The following FAM117A variants were observed in gnomAD, a reference collection of about 807,000 sequenced individuals.
The protein encoded by FAM117A is protein FAM117A.
A neutral mutation model predicts 44.1 loss-of-function variants in FAM117A; 21 were observed. The observed-to-expected ratio is 0.48, with a 90% CI of 0.34 to 0.69. FAM117A has a LOEUF of 0.69. FAM117A is among the 30% of genes least tolerant of loss of function. The pLI, the probability that FAM117A is intolerant of heterozygous loss-of-function variation, is 0.01. For synonymous variants in FAM117A, 220 were observed against 238.3 expected (o/e 0.92, Z 0.71); for missense variants, 498 against 589.9 (o/e 0.84, Z 1.61).
intron 1 of FAM117A, among the ~76,000 whole-genome samples, chr17:49,775,843 C>T (rs1346011729): frequency 6.6e-6 from 1 of 152,176 alleles, no homozygotes; most frequent in Non-Finnish European, 1.5e-5. Context: ...CACCCAAAAG[C>T]TCTGTCCAAC....
chr17:49,746,092 A>G (rs1341365731), intron 1 of FAM117A, among the ~76,000 whole-genome samples: 1 of 152,244 alleles, frequency 6.6e-6, no homozygotes, highest in African/African-American at 2.4e-5. Flanking sequence ...TTTGCAACTT[A>G]CTGTCAAATT....
chr17:49,756,939 G>C (rs1238236419), intron 1 of FAM117A, among the ~76,000 whole-genome samples: 2 of 150,364 alleles, frequency 1.3e-5, no homozygotes, highest in African/African-American at 2.4e-5. Flanking sequence ...AAAAAAGAGA[G>C]AGAGAAAGAG....
chr17:49,730,538 T>C (rs1567829064), intron 2 of FAM117A, among the ~76,000 whole-genome samples: 1 of 152,184 alleles, frequency 6.6e-6, no homozygotes, highest in East Asian at 1.9e-4. Context: ...ATAGGTGGGC[T>C]ACACAGAAGC....
intron 1 of FAM117A, among the ~76,000 whole-genome samples, chr17:49,743,966 T>C (rs1259615959): frequency 6.7e-6 from 1 of 150,276 alleles, no homozygotes; most frequent in Non-Finnish European, 1.5e-5. Context: ...CCTTTTCCAG[T>C]GAGGAAGGTA....
rs901782806 is a variant in FAM117A, at chr17:49,717,449, A to C, written c.910+64T>G. On this transcript the variant is annotated intron_variant, in intron 6 of 7. Transcript: ENST00000240364. ...TAGGCCTGAATTGACTAGAGGTGGAAAAGGGAGTGGAGCCACTCATGTGCC... is the reference window on the plus strand; with the variant it reads ...TAGGCCTGAATTGACTAGAGGTGGACAAGGGAGTGGAGCCACTCATGTGCC... 87 of 1,462,550 alleles carry C rather than the reference A, an allele frequency of 5.9e-5. 3 individuals are homozygous for C. In the South Asian group the frequency reaches 9.3e-4, roughly 16 times the overall value. 90.6% of individuals were successfully genotyped at this position (1,462,550 alleles called of 1,614,324 possible).
intron 1 of FAM117A, among the ~76,000 whole-genome samples, chr17:49,753,684 T>A (rs2073686145): frequency 6.6e-6 from 1 of 152,146 alleles, no homozygotes. Flanking sequence ...CTTGGGAGGC[T>A]GAGGCAGGAG....
Position 49,711,386 on chromosome 17 carries a change from G to A in FAM117A, c.1231C>T (p.Pro411Ser), listed in dbSNP as rs1180221388. 1 of 1,612,456 alleles carries A rather than the reference G, an allele frequency of 6.2e-7. No homozygotes were observed. Reference protein sequence around the residue: ...CPSNPGSPLPPASPRPPPRKD... With the variant: ...CPSNPGSPLPSASPRPPPRKD... Reference sequence around the variant, plus strand: ...CGAGGTGGTGGCCTGGGGCTGGCCGGGGGAAGGGGAGATCCCGGGTTTGAG... The same window carrying A: ...CGAGGTGGTGGCCTGGGGCTGGCCGAGGGAAGGGGAGATCCCGGGTTTGAG... The change falls in exon 8 of 8, where the codon CCG (proline) becomes TCG (serine). Residue 411 changes from proline to serine, a missense_variant. By Grantham distance (74) the Pro-to-Ser change is moderately conservative (BLOSUM62 -1). Transcript: ENST00000240364.
At chr17:49,744,983 C>T (rs1434774584) in intron 1 of FAM117A, among the ~76,000 whole-genome samples, 10 of 139,432 alleles carry the variant, frequency 7.2e-5, no homozygotes, top group Non-Finnish European at 1.5e-4. Context: ...CACTGCACTC[C>T]AGCCTGGGAG....
At chr17:49,781,647 T>C (rs1195760598) in intron 1 of FAM117A, among the ~76,000 whole-genome samples, 1 of 152,122 alleles carries the variant, frequency 6.6e-6, no homozygotes, top group Non-Finnish European at 1.5e-5. Context: ...ATGAGGACTC[T>C]AGGGAAACAC....
chr17:49,762,039 G>A (rs73335278), intron 1 of FAM117A, among the ~76,000 whole-genome samples: 3,784 of 152,208 alleles, frequency 0.025, 151 homozygotes, highest in African/African-American at 0.085. Context: ...ATTTCTACCA[G>A]TATCCCAGGG....
chr17:49,715,375 A>C (rs963286114), intron 7 of FAM117A, among the ~76,000 whole-genome samples: 2 of 152,132 alleles, frequency 1.3e-5, no homozygotes, highest in African/African-American at 4.8e-5. Flanking sequence ...ATCTTCACTC[A>C]CACACCATGA....
At chr17:49,739,333 A>G (rs373702946) in intron 1 of FAM117A, among the ~76,000 whole-genome samples, 3 of 152,160 alleles carry the variant, frequency 2.0e-5, no homozygotes, top group East Asian at 3.8e-4. Context: ...GAAGATGCCC[A>G]TTTTTAATGT....
At chr17:49,727,541 G>C (rs2073565367) in intron 2 of FAM117A, among the ~76,000 whole-genome samples, 1 of 152,234 alleles carries the variant, frequency 6.6e-6, no homozygotes, top group South Asian at 2.1e-4. Flanking sequence ...TGGGCCAGCT[G>C]TGCAGATGAT....
rs745808831 is a variant in FAM117A at position 49,719,874 on chromosome 17, G to A, written c.594C>T (p.Pro198=). ...GALRASPPSF[P]SGSPVLRLSP... is the part of the protein sequence containing the mutation. ...TGAGTCGCAAGACAGGGGACCCTGA[G>A]GGGAAGCTGGGAGGGGACGCCTGAG... Residue 198 remains proline, a synonymous_variant, in exon 5 of 8, where the codon CCC becomes CCT. Coordinates refer to ENST00000240364, the MANE Select transcript of FAM117A (RefSeq NM_030802.4). 1 of 1,605,802 alleles carries A rather than the reference G, an allele frequency of 6.2e-7. No individual in the cohort carries two copies. The highest frequency in any genetic ancestry group is 1.7e-5 in the Admixed American group (1 of 58,328).
At chr17:49,737,320 T>C (rs986469611) in intron 1 of FAM117A, among the ~76,000 whole-genome samples, 1 of 152,188 alleles carries the variant, frequency 6.6e-6, no homozygotes, top group Non-Finnish European at 1.5e-5. Flanking sequence ...AGCAGCCAGC[T>C]CAGGCCAAAA....
chr17:49,765,410 A>G (rs966264962), upstream of FAM117A, among the ~76,000 whole-genome samples: 3 of 152,240 alleles, frequency 2.0e-5, no homozygotes, highest in Non-Finnish European at 4.4e-5. Flanking sequence ...AGCCATACTA[A>G]CTAATCAGAG....
In FAM117A at chr17:49,732,424, T is replaced by C. The variant is rs142848845; in HGVS notation, c.366+127A>G. ...TGTCTTAAGAAGATAAAACATTACA[T>C]GGATAATATGTACGACCAAAACCCA... On this transcript the variant is annotated intron_variant, in intron 2 of 7. Transcript: ENST00000240364. The C allele has an allele frequency of 5.9e-6, 5 of 847,948 alleles. No homozygotes were observed. In the African/African-American group the frequency reaches 8.6e-5, roughly 15 times the overall value. The allele number at this position is 847,948 out of a possible 1,614,324, so 52.5% of individuals were successfully genotyped here. A position where few individuals can be genotyped will look rare whatever the true frequency, so the allele number is the denominator to read the frequency against.
chr17:49,772,736 A>G (rs1311987120), intron 1 of FAM117A, among the ~76,000 whole-genome samples: 1 of 152,010 alleles, frequency 6.6e-6, no homozygotes, highest in East Asian at 1.9e-4. Context: ...TGGACAATAC[A>G]GTGAGACTCT....
At chr17:49,763,061 T>C (rs1032611425) in intron 1 of FAM117A, among the ~76,000 whole-genome samples, 6 of 148,484 alleles carry the variant, frequency 4.0e-5, no homozygotes, top group Non-Finnish European at 7.4e-5. Flanking sequence ...CCTTGGTGGG[T>C]AGAGGGGTGG....
Sources: gnomAD v4.1 joint callset for allele counts (sites outside exome capture counted in the v4.1 genomes callset) on GRCh38, gnomAD v4.1.1 for gene constraint, MANE v1.5 for transcripts, NCBI Gene and HGNC (gene_info 2026-07-23, HGNC 2026-07-21) for gene names.